Variants in LRRC27 observed in about 807,000 individuals in gnomAD.
LRRC27 encodes the protein leucine-rich repeat-containing protein 27.
In LRRC27, 57 loss-of-function variants were observed where a neutral mutation model predicts 55.0. The ratio of observed to expected loss-of-function variants is 1.04; its 90% CI spans 0.84 to 1.29. The LOEUF (loss-of-function observed/expected upper bound fraction) is 1.29, where lower values mean the gene tolerates loss of function less well. Among genes scored for constraint, LRRC27 ranks in the 50% most tolerant of loss-of-function variants. LRRC27 has a pLI of 0.00. For missense variants in LRRC27, 721 were observed against 651.5 expected (o/e 1.11, Z -1.16); for synonymous variants, 278 against 251.9 (o/e 1.10, Z -0.98).
upstream of LRRC27, chr10:132,331,783 A>C (rs752662605): frequency 6.2e-7 from 1 of 1,607,204 alleles, no homozygotes; most frequent in South Asian, 1.1e-5. Context: ...GCCCCTCCAG[A>C]CCCTCGCGGT....
chr10:132,350,046 G>A (rs1391891956), intron 6 of LRRC27, among the ~76,000 whole-genome samples: 2 of 152,188 alleles, frequency 1.3e-5, no homozygotes, highest in Non-Finnish European at 2.9e-5. Flanking sequence ...TCGGGAAGCT[G>A]GTGCTCCTCT....
At chr10:132,337,339 C>T in intron 2 of LRRC27, 1 of 1,333,458 alleles carries the variant, frequency 7.5e-7, no homozygotes, top group Non-Finnish European at 9.6e-7. Context: ...TTCAGGAAGT[C>T]AGTTCCGGCT....
At chr10:132,336,222 G>T (rs2067123408) in intron 2 of LRRC27, among the ~76,000 whole-genome samples, 1 of 152,184 alleles carries the variant, frequency 6.6e-6, no homozygotes, top group Admixed American at 6.5e-5. Context: ...GCCCTGGGGG[G>T]GGAAGAACAG....
chr10:132,330,191 T>A (rs977017924), upstream of LRRC27: 3 of 489,580 alleles, frequency 6.1e-6, no homozygotes, highest in East Asian at 1.1e-4. Flanking sequence ...AACATGCTCG[T>A]ACATACAATT....
At chr10:132,351,355 A>G in intron 6 of LRRC27, 1 of 441,346 alleles carries the variant, frequency 2.3e-6, no homozygotes. Flanking sequence ...CCGACTGTCA[A>G]GCGTCCCGGG....
chr10:132,342,145 T>C, intron 3 of LRRC27, 68 bp from the exon 4 acceptor site: 1 of 951,124 alleles, frequency 1.1e-6, no homozygotes, highest in Non-Finnish European at 1.6e-6. Flanking sequence ...AGAAACTTGA[T>C]GGTATATTTT....
intron 2 of LRRC27, among the ~76,000 whole-genome samples, chr10:132,336,601 C>G (rs2067145159): frequency 6.6e-6 from 1 of 152,198 alleles, no homozygotes; most frequent in African/African-American, 2.4e-5. Flanking sequence ...AACGTAATCA[C>G]AACAGCCAAT....
intron 1 of LRRC27, chr10:132,332,538 T>G (rs751948021): frequency 8.5e-5 from 13 of 152,222 alleles, no homozygotes; most frequent in Non-Finnish European, 1.5e-4. Flanking sequence ...GGGCCCTGTG[T>G]GAGTCCAGGC....
At chr10:132,363,694 C>G (rs2068756546) in intron 9 of LRRC27, among the ~76,000 whole-genome samples, 1 of 152,200 alleles carries the variant, frequency 6.6e-6, no homozygotes, top group South Asian at 2.1e-4. Flanking sequence ...GGGGCCTGAG[C>G]TTGGAAGGCC....
At chr10:132,341,775 C>A (rs1394548462) in intron 3 of LRRC27, among the ~76,000 whole-genome samples, 1 of 152,218 alleles carries the variant, frequency 6.6e-6, no homozygotes, top group Non-Finnish European at 1.5e-5. Flanking sequence ...TTCCTCACTG[C>A]ACATCTTAGG....
intron 10 of LRRC27, chr10:132,366,728 G>A: frequency 2.7e-6 from 2 of 746,734 alleles, no homozygotes; most frequent in Non-Finnish European, 3.5e-6. Flanking sequence ...GCTGCATCGG[G>A]GCTGCCCCCA....
At chr10:132,354,159 T>C (rs746085813) in intron 7 of LRRC27, among the ~76,000 whole-genome samples, 3 of 152,200 alleles carry the variant, frequency 2.0e-5, no homozygotes, top group African/African-American at 7.2e-5. Context: ...AGGGCACTCT[T>C]ACCCCCAGAC....
upstream of LRRC27, chr10:132,330,290 ATGGT>A: frequency 1.6e-6 from 1 of 609,266 alleles, no homozygotes; most frequent in Non-Finnish European, 3.0e-6. Context: ...ATACGCTCAA[ATGGT>A]TAGTAAATGT....
At chr10:132,336,531 C>T (rs546637395) in intron 2 of LRRC27, among the ~76,000 whole-genome samples, 2 of 152,278 alleles carry the variant, frequency 1.3e-5, no homozygotes, top group South Asian at 2.1e-4. Flanking sequence ...GTGTTGAGGG[C>T]GGAATGGGGA....
At chr10:132,365,787 T>C (rs2069051401) in intron 10 of LRRC27, among the ~76,000 whole-genome samples, 1 of 152,152 alleles carries the variant, frequency 6.6e-6, no homozygotes, top group Non-Finnish European at 1.5e-5. Context: ...TTAATAGAGA[T>C]AGGGTTTTGC....
chr10:132,356,044 GAGGAAGCTGCCT>G (rs2068297261), intron 8 of LRRC27, among the ~76,000 whole-genome samples, 158 bp downstream of exon 8: 1 of 152,166 alleles, frequency 6.6e-6, no homozygotes, highest in Non-Finnish European at 1.5e-5. Context: ...GAGACTTGGG[GAGGAAGCTGCCT>G]GTGCAGGCTG....
rs539283954 is a variant in LRRC27, at chr10:132,363,702, GCCC to G, written c.1290-1721_1290-1719del. 7.7e-4 allele frequency among the ~76,000 whole-genome samples: 117 copies of G among 152,308 alleles called. No homozygotes were observed. In the East Asian group the frequency reaches 9.5e-3, roughly 12 times the overall value. ...AGACCGTGGGGCCTGAGCTTGGAAG[GCCC>G]AGGGCCTGGCCCCGGCCCTGCTGCT... On this transcript the variant is annotated intron_variant, in intron 9 of 10. Coordinates refer to ENST00000368614, the MANE Select transcript of LRRC27 (RefSeq NM_030626.3).
upstream of LRRC27, chr10:132,331,501 T>A: frequency 1.2e-6 from 2 of 1,612,916 alleles, no homozygotes; most frequent in Non-Finnish European, 1.7e-6. Flanking sequence ...GAGGACGCTC[T>A]GAGTCTGCGT....
At position 132,362,846 on chromosome 10, in the gene LRRC27, C is replaced by T. The variant is rs566581014; in HGVS notation, c.1289+1271C>T. On this transcript the variant is annotated intron_variant, in intron 9 of 10. Coordinates refer to ENST00000368614, the MANE Select transcript of LRRC27 (RefSeq NM_030626.3). ...TCTTACCTCACAGCAGCTCGGGGGT[C>T]GGGTTCATGAACCCTCTCACCTCAC... 5.4e-4 allele frequency among the ~76,000 whole-genome samples: 77 copies of T among 142,792 alleles called. No individual in the cohort carries two copies. The East Asian group carries it at 0.011, about 20-fold the overall frequency. The allele number at this position is 142,792 out of a possible 152,430, so 93.7% of individuals were successfully genotyped here.
Sources: gnomAD v4.1 joint callset for allele counts (sites outside exome capture counted in the v4.1 genomes callset) on GRCh38, gnomAD v4.1.1 for gene constraint, MANE v1.5 for transcripts, NCBI Gene and HGNC (gene_info 2026-07-23, HGNC 2026-07-21) for gene names.